Variants in HEMK2 observed in about 807,000 individuals in gnomAD.
HEMK2 encodes the protein methyltransferase HEMK2.
the HEMK2 span, among the ~76,000 whole-genome samples, chr21:28,848,361 C>T: frequency 1.3e-5 from 2 of 151,878 alleles, no homozygotes; most frequent in Non-Finnish European, 2.9e-5. Flanking sequence ...ATATTTACTA[C>T]GGTTTCTTGA....
the HEMK2 span, among the ~76,000 whole-genome samples, chr21:28,693,159 T>C: frequency 6.6e-6 from 1 of 152,214 alleles, no homozygotes; most frequent in Admixed American, 6.5e-5. Context: ...TAATGAATTA[T>C]GTCTCCAGTA....
At chr21:28,634,244 G>A in the HEMK2 span, among the ~76,000 whole-genome samples, 1 of 152,162 alleles carries the variant, frequency 6.6e-6, no homozygotes, top group South Asian at 2.1e-4. Flanking sequence ...GATTTGGAAG[G>A]AGACTGGGAA....
the HEMK2 span, among the ~76,000 whole-genome samples, chr21:28,814,516 G>A: frequency 6.7e-6 from 1 of 149,280 alleles, no homozygotes; most frequent in Non-Finnish European, 1.5e-5. Flanking sequence ...AATCTACAAT[G>A]AACTCAAACA....
chr21:28,793,811 G>A, the HEMK2 span, among the ~76,000 whole-genome samples: 5 of 152,170 alleles, frequency 3.3e-5, no homozygotes, highest in Non-Finnish European at 7.4e-5. Flanking sequence ...AAAACAGGGA[G>A]AAGGAGTCAA....
the HEMK2 span, among the ~76,000 whole-genome samples, chr21:28,794,649 T>C: frequency 6.6e-6 from 1 of 152,264 alleles, no homozygotes; most frequent in African/African-American, 2.4e-5. Flanking sequence ...GGTATCCACA[T>C]ATTGTATGAC....
the HEMK2 span, among the ~76,000 whole-genome samples, chr21:28,845,110 T>A: frequency 6.6e-6 from 1 of 152,102 alleles, no homozygotes; most frequent in Non-Finnish European, 1.5e-5. Flanking sequence ...CATGTAAGCT[T>A]CTTAGCCATC....
chr21:28,661,013 T>C, the HEMK2 span, among the ~76,000 whole-genome samples: 13 of 152,118 alleles, frequency 8.5e-5, no homozygotes, highest in Non-Finnish European at 1.5e-4. Flanking sequence ...TCCAAGTTTA[T>C]TGGACTTGGG....
At chr21:28,880,011 C>A in the HEMK2 span, 1 of 1,191,226 alleles carries the variant, frequency 8.4e-7, no homozygotes. Flanking sequence ...AAATAACTGA[C>A]AAATTAATCT....
chr21:28,882,099 G>T, the HEMK2 span: 4 of 1,326,294 alleles, frequency 3.0e-6, no homozygotes, highest in Non-Finnish European at 4.2e-6. Flanking sequence ...AAGTTTCTTT[G>T]ACCTAAAGCA....
At chr21:28,737,592 T>TTAA in the HEMK2 span, among the ~76,000 whole-genome samples, 34,107 of 147,818 alleles carry the variant, frequency 0.23, 4,444 homozygotes, top group African/African-American at 0.35. Context: ...CATAGACTGT[T>TTAA]AAAAAAAAAA....
the HEMK2 span, among the ~76,000 whole-genome samples, chr21:28,647,840 G>A: frequency 6.6e-6 from 1 of 152,244 alleles, no homozygotes; most frequent in Non-Finnish European, 1.5e-5. Context: ...GTAGTGCTCA[G>A]AGGATGCACA....
chr21:28,860,608 C>G, the HEMK2 span, among the ~76,000 whole-genome samples: 1 of 152,074 alleles, frequency 6.6e-6, no homozygotes, highest in African/African-American at 2.4e-5. Flanking sequence ...GAAGCAGATA[C>G]TGAGCCTCAA....
chr21:28,633,398 G>C, the HEMK2 span, among the ~76,000 whole-genome samples: 1 of 152,094 alleles, frequency 6.6e-6, no homozygotes, highest in Non-Finnish European at 1.5e-5. Context: ...TCCTACTTAG[G>C]TGGAAACTGT....
the HEMK2 span, among the ~76,000 whole-genome samples, chr21:28,712,610 G>C: frequency 6.6e-6 from 1 of 152,144 alleles, no homozygotes; most frequent in Non-Finnish European, 1.5e-5. Flanking sequence ...TCAAAGCCAA[G>C]AACACCCTTG....
chr21:28,855,609 C>A, the HEMK2 span, among the ~76,000 whole-genome samples: 3 of 152,120 alleles, frequency 2.0e-5, no homozygotes, highest in Non-Finnish European at 4.4e-5. Context: ...ACCACACAAT[C>A]AGAAAACAAC....
At chr21:28,670,157 T>C in the HEMK2 span, among the ~76,000 whole-genome samples, 6 of 152,210 alleles carry the variant, frequency 3.9e-5, no homozygotes, top group African/African-American at 1.4e-4. Context: ...TACTCTGCAA[T>C]GGAAGCATGT....
At chr21:28,862,778 TAAGAA>T in the HEMK2 span, among the ~76,000 whole-genome samples, 3 of 152,274 alleles carry the variant, frequency 2.0e-5, no homozygotes, top group African/African-American at 7.2e-5. Flanking sequence ...ACACTTGTAC[TAAGAA>T]AATATCTTCA....
At chr21:28,702,912 A>G in the HEMK2 span, among the ~76,000 whole-genome samples, 4 of 152,184 alleles carry the variant, frequency 2.6e-5, no homozygotes, top group Non-Finnish European at 4.4e-5. Flanking sequence ...ATCAACCTAA[A>G]TGCCCATCAA....
chr21:28,676,852 G>C, the HEMK2 span, among the ~76,000 whole-genome samples: 1 of 152,152 alleles, frequency 6.6e-6, no homozygotes, highest in African/African-American at 2.4e-5. Context: ...ATCTTTAGTG[G>C]AACTAAGGAG....
Sources: gnomAD v4.1 joint callset for allele counts (sites outside exome capture counted in the v4.1 genomes callset) on GRCh38, gnomAD v4.1.1 for gene constraint, MANE v1.5 for transcripts, NCBI Gene and HGNC (gene_info 2026-07-23, HGNC 2026-07-21) for gene names.